Variants in HMHB1 observed in about 807,000 individuals in gnomAD.
The protein encoded by HMHB1 is histocompatibility minor HB-1.
A neutral mutation model predicts 2.4 loss-of-function variants in HMHB1; 4 were observed. That is an observed-to-expected ratio of 1.65 (90% CI 0.81 to 3.77). HMHB1 has a LOEUF of 3.77. HMHB1 is among the 30% of genes most tolerant of loss of function. The pLI, the probability that HMHB1 is intolerant of heterozygous loss-of-function variation, is 0.01. For synonymous variants in HMHB1, 22 were observed against 17.6 expected (o/e 1.25, Z -0.63); for missense variants, 57 against 44.2 (o/e 1.29, Z -0.82).
chr5:143,820,531 A>T lies in HMHB1; in HGVS notation c.89A>T (p.Tyr30Phe). The change falls in exon 2 of 2, where the codon TAT becomes TTT. Residue 30 changes from tyrosine (Y) to phenylalanine (F), a missense_variant. Physicochemically the swap from Tyr to Phe is conservative, Grantham distance 22. Transcript: ENST00000289448. ...TTGGTTGAAGTTGAAGATGATGTGT[A>T]TCTGAGGCACAGCTCTTCCCTGACT... 6.2e-7 allele frequency: 1 copy of T among 1,613,254 alleles called. No homozygotes were observed. Among genetic ancestry groups the T allele is most frequent in the Non-Finnish European group, 8.5e-7 (1 of 1,179,368 alleles).
intron 1 of HMHB1, among the ~76,000 whole-genome samples, chr5:143,818,362 A>G (rs184638187): frequency 3.1e-4 from 47 of 152,270 alleles, no homozygotes; most frequent in African/African-American, 1.0e-3. Context: ...GATCTAACTC[A>G]CCCACCTCCA....
At chr5:143,814,595 T>A (rs1759728003) in intron 1 of HMHB1, among the ~76,000 whole-genome samples, 1 of 152,230 alleles carries the variant, frequency 6.6e-6, no homozygotes, top group Non-Finnish European at 1.5e-5. Flanking sequence ...CCTCCTCATT[T>A]TTTATCACTC....
At chr5:143,818,919 A>C (rs79730642) in intron 1 of HMHB1, among the ~76,000 whole-genome samples, 6,222 of 152,318 alleles carry the variant, frequency 0.041, 175 homozygotes, top group South Asian at 0.069. Flanking sequence ...GGTCTGGTAC[A>C]AGGATAGAGG....
At chr5:143,819,754 A>T (rs897391311) in intron 1 of HMHB1, among the ~76,000 whole-genome samples, 8 of 152,238 alleles carry the variant, frequency 5.3e-5, no homozygotes, top group African/African-American at 1.9e-4. Context: ...TTGATTTTTT[A>T]AATGCCCAGA....
chr5:143,817,211 T>G (rs2126793728), intron 1 of HMHB1, among the ~76,000 whole-genome samples: 1 of 152,348 alleles, frequency 6.6e-6, no homozygotes, highest in East Asian at 1.9e-4. Context: ...TTAGTTTAAT[T>G]AAGTCCCAGC....
Position 143,812,192 on chromosome 5 carries a change from C to A in HMHB1, c.-76C>A. 7.1e-7 allele frequency: 1 copy of A among 1,406,202 alleles called. No homozygotes were observed. The allele number at this position is 1,406,202 out of a possible 1,614,324, so 87.1% of individuals were successfully genotyped here. A position where few individuals can be genotyped will look rare whatever the true frequency, so the allele number is the denominator to read the frequency against. ...CCCAGGAGGCCGAGGCGGCTTGCCC[C>A]GCATCTCAGAAGCCGGGCAGGCCCT... On this transcript the variant is annotated 5_prime_UTR_variant, in exon 1 of 2. Coordinates refer to ENST00000289448, the MANE Select transcript of HMHB1 (RefSeq NM_021182.3).
At chr5:143,815,427 C>T (rs1406495033) in intron 1 of HMHB1, among the ~76,000 whole-genome samples, 2 of 152,158 alleles carry the variant, frequency 1.3e-5, no homozygotes, top group Non-Finnish European at 2.9e-5. Context: ...AACAATGTTG[C>T]AGCTCTCTAA....
chr5:143,820,551 C>G lies in HMHB1; in HGVS notation c.109C>G (p.Leu37Val). Residue 37 changes from leucine to valine, a missense_variant, in exon 2 of 2, where the codon CTG (leucine) becomes GTG (valine). Leu to Val is a conservative substitution (Grantham distance 32). Transcript: ENST00000289448. ...TGTGTATCTGAGGCACAGCTCTTCC[C>G]TGACTTATAGGCTTTGACACTGCTG... The G allele has an allele frequency of 1.2e-6, 2 of 1,611,988 alleles. No individual in the cohort carries two copies. The highest frequency in any genetic ancestry group is 8.5e-7 in the Non-Finnish European group (1 of 1,178,334).
At chr5:143,815,712 T>C (rs1329068014) in intron 1 of HMHB1, among the ~76,000 whole-genome samples, 1 of 141,178 alleles carries the variant, frequency 7.1e-6, no homozygotes, top group African/African-American at 2.9e-5. Flanking sequence ...ATTTTTTTTT[T>C]TTTTTGAGAC....
At chr5:143,812,439 G>C in intron 1 of HMHB1, 135 bp downstream of exon 1, 1 of 795,208 alleles carries the variant, frequency 1.3e-6, no homozygotes, top group East Asian at 2.7e-5. Context: ...GAAGGCAGGG[G>C]AGAGGAGTGA....
intron 1 of HMHB1, among the ~76,000 whole-genome samples, chr5:143,816,909 G>C (rs1759755450): frequency 6.6e-6 from 1 of 152,228 alleles, no homozygotes; most frequent in African/African-American, 2.4e-5. Flanking sequence ...TGCAGAGTAA[G>C]ATGGTATTGC....
chr5:143,816,448 T>A (rs1759750822), intron 1 of HMHB1, among the ~76,000 whole-genome samples: 1 of 152,226 alleles, frequency 6.6e-6, no homozygotes, highest in South Asian at 2.1e-4. Context: ...AGTGAGAATA[T>A]ATGATATTTG....
At chr5:143,812,643 C>T (rs1759704976) in intron 1 of HMHB1, among the ~76,000 whole-genome samples, 1 of 152,100 alleles carries the variant, frequency 6.6e-6, no homozygotes, top group Admixed American at 6.5e-5. Context: ...TGGGTCGGAG[C>T]CAGGGTAGCC....
intron 1 of HMHB1, among the ~76,000 whole-genome samples, chr5:143,819,157 C>A (rs1561937840): frequency 6.6e-6 from 1 of 152,206 alleles, no homozygotes; most frequent in Non-Finnish European, 1.5e-5. Flanking sequence ...CAATTCTTGA[C>A]AGATTTCTTC....
chr5:143,815,190 C>A (rs1759733286), intron 1 of HMHB1, among the ~76,000 whole-genome samples: 1 of 152,188 alleles, frequency 6.6e-6, no homozygotes, highest in Non-Finnish European at 1.5e-5. Context: ...CCTATTGTTG[C>A]TATACTGAAT....
Position 143,820,712 on chromosome 5 carries a change from C to T in HMHB1, c.*144C>T. The T allele has an allele frequency of 1.9e-6, 1 of 513,574 alleles. No individual in the cohort carries two copies. The highest frequency in any genetic ancestry group is 3.6e-6 in the Non-Finnish European group (1 of 278,764). 31.8% of individuals were successfully genotyped at this position (513,574 alleles called of 1,614,324 possible). The stretch of plus-strand genomic sequence containing the variant: ...TCTGCACAGTGAAATGAAAAGTCAA[C>T]CTTTGAACATGTGTGTGTGTCTCTC... On this transcript the variant is annotated 3_prime_UTR_variant, in exon 2 of 2. Coordinates refer to ENST00000289448, the MANE Select transcript of HMHB1 (RefSeq NM_021182.3).
At chr5:143,816,913 G>T (rs922300366) in intron 1 of HMHB1, among the ~76,000 whole-genome samples, 3 of 152,088 alleles carry the variant, frequency 2.0e-5, no homozygotes, top group African/African-American at 7.3e-5. Context: ...GAGTAAGATG[G>T]TATTGCACTG....
intron 1 of HMHB1, among the ~76,000 whole-genome samples, chr5:143,820,110 A>G (rs1759791405): frequency 6.6e-6 from 1 of 152,064 alleles, no homozygotes; most frequent in African/African-American, 2.4e-5. Flanking sequence ...ATATGAGCTA[A>G]TTATAGAAAA....
At chr5:143,816,856 G>A (rs898846270) in intron 1 of HMHB1, among the ~76,000 whole-genome samples, 11 of 152,282 alleles carry the variant, frequency 7.2e-5, no homozygotes, top group Admixed American at 3.3e-4. Flanking sequence ...CTGCATCCAT[G>A]CCAGCATCTA....
Sources: allele counts gnomAD v4.1 joint callset (sites outside exome capture counted in the v4.1 genomes callset), GRCh38; gene constraint gnomAD v4.1.1; transcripts MANE v1.5; gene names NCBI Gene and HGNC (gene_info 2026-07-23, HGNC 2026-07-21).